Variants in CHODL observed in about 807,000 individuals in gnomAD.
CHODL encodes chondrolectin, also known as transmembrane protein MT75.
A neutral mutation model predicts 34.5 loss-of-function variants in CHODL; 29 were observed. The ratio of observed to expected loss-of-function variants is 0.84; its 90% CI spans 0.63 to 1.15. The LOEUF is 1.15. Ranked by LOEUF, CHODL falls within the 50% of genes most tolerant of loss-of-function variation. The pLI, the probability that CHODL is intolerant of heterozygous loss-of-function variation, is 0.00. For missense variants in CHODL, 332 were observed against 332.5 expected (o/e 1.00, Z 0.01); for synonymous variants, 125 against 116.1 (o/e 1.08, Z -0.49).
intron 1 of CHODL, among the ~76,000 whole-genome samples, chr21:17,951,042 A>G (rs143459992): frequency 6.6e-6 from 1 of 152,218 alleles, no homozygotes; most frequent in East Asian, 1.9e-4. Flanking sequence ...ATAACTATAT[A>G]CATATACATT....
intron 1 of CHODL, among the ~76,000 whole-genome samples, chr21:18,013,046 C>T (rs1247388856): frequency 6.6e-6 from 1 of 152,112 alleles, no homozygotes; most frequent in East Asian, 1.9e-4. Context: ...CATAAACATA[C>T]CAGTAACTAC....
intron 2 of CHODL, among the ~76,000 whole-genome samples, chr21:18,222,693 G>A (rs1485172888): frequency 2.6e-5 from 4 of 152,162 alleles, no homozygotes; most frequent in South Asian, 2.1e-4. Flanking sequence ...TTAAGCTTCT[G>A]AACTTCAGAG....
upstream of CHODL, among the ~76,000 whole-genome samples, chr21:18,240,059 A>T (rs12482150): frequency 2.0e-5 from 3 of 152,064 alleles, no homozygotes; most frequent in African/African-American, 4.8e-5. Context: ...AGCGATTTCC[A>T]ACTTCTTTGA....
At chr21:18,145,735 G>A (rs1000297034) in intron 2 of CHODL, among the ~76,000 whole-genome samples, 1 of 152,120 alleles carries the variant, frequency 6.6e-6, no homozygotes, top group Non-Finnish European at 1.5e-5. Context: ...AATATGGCTT[G>A]AGTTTGTTTA....
At chr21:18,142,102 A>T (rs2072810718) in intron 2 of CHODL, among the ~76,000 whole-genome samples, 1 of 152,162 alleles carries the variant, frequency 6.6e-6, no homozygotes, top group South Asian at 2.1e-4. Flanking sequence ...TTGAAAATCG[A>T]GATCATATTC....
chr21:18,164,816 T>C (rs1176909360), intron 2 of CHODL, among the ~76,000 whole-genome samples: 1 of 152,154 alleles, frequency 6.6e-6, no homozygotes, highest in African/African-American at 2.4e-5. Context: ...ACCCAGAACA[T>C]GTGTGTCCCA....
chr21:17,967,723 C>T (rs2063583598), intron 1 of CHODL, among the ~76,000 whole-genome samples: 1 of 150,426 alleles, frequency 6.6e-6, no homozygotes, highest in African/African-American at 2.4e-5. Context: ...GGAGAGTGTA[C>T]ATACTTTCCG....
chr21:18,116,595 A>T (rs2065415981), intron 2 of CHODL, among the ~76,000 whole-genome samples: 1 of 152,178 alleles, frequency 6.6e-6, no homozygotes, highest in Non-Finnish European at 1.5e-5. Context: ...AGACTAAAGG[A>T]TCCCTAACCA....
At position 17,958,145 on chromosome 21, in the gene CHODL, A is replaced by G. The variant is rs190455387; in HGVS notation, c.-145+40745A>G. Among the ~76,000 whole-genome samples, 47 of 152,322 alleles carry G rather than the reference A, an allele frequency of 3.1e-4. No homozygotes were observed. The East Asian group carries it at 8.7e-3, about 28-fold the overall frequency. On this transcript the variant is annotated intron_variant, in intron 1 of 6. Transcript: ENST00000400127. ...GTCATTGTTTCCTTGGTCAAGATGA[A>G]GAATAATTTGGTTTATTTTTTTACT...
chr21:18,021,740 C>T (rs2064129298), intron 1 of CHODL, among the ~76,000 whole-genome samples: 1 of 151,874 alleles, frequency 6.6e-6, no homozygotes, highest in Admixed American at 6.6e-5. Flanking sequence ...TTCCTACCAC[C>T]TCATAGTGGA....
chr21:17,985,371 G>A (rs1406026937), intron 1 of CHODL, among the ~76,000 whole-genome samples: 1 of 152,118 alleles, frequency 6.6e-6, no homozygotes, highest in Non-Finnish European at 1.5e-5. Context: ...CCTCTCGCAT[G>A]TATCACTCTG....
At chr21:17,971,974 G>A (rs527921392) in intron 1 of CHODL, among the ~76,000 whole-genome samples, 22 of 152,168 alleles carry the variant, frequency 1.4e-4, no homozygotes, top group Middle Eastern at 3.4e-3. Flanking sequence ...CGAACAAGTC[G>A]GCTTCATCCC....
At chr21:17,919,326 C>G (rs1224466048) in intron 1 of CHODL, among the ~76,000 whole-genome samples, 1 of 152,212 alleles carries the variant, frequency 6.6e-6, no homozygotes, top group Non-Finnish European at 1.5e-5. Context: ...GCCCGGGCAT[C>G]CAGGCATTTC....
chr21:18,231,922 A>T (rs1337197134), intron 2 of CHODL, among the ~76,000 whole-genome samples: 1 of 152,012 alleles, frequency 6.6e-6, no homozygotes, highest in Admixed American at 6.6e-5. Context: ...ATATAATAAA[A>T]TGATGGGGAG....
chr21:18,131,540 C>A (rs2072654813), intron 2 of CHODL, among the ~76,000 whole-genome samples: 1 of 152,082 alleles, frequency 6.6e-6, no homozygotes, highest in Admixed American at 6.6e-5. Flanking sequence ...TTACTCCTGG[C>A]CCCATTTTCC....
At chr21:18,239,942 G>A (rs1275977692), upstream of CHODL, among the ~76,000 whole-genome samples, 2 of 151,954 alleles carry the variant, frequency 1.3e-5, no homozygotes, top group East Asian at 3.8e-4. Context: ...GAAAGAAAGA[G>A]GGAGGGAGGA....
intron 2 of CHODL, among the ~76,000 whole-genome samples, chr21:18,176,941 A>T (rs2073322469): frequency 6.6e-6 from 1 of 152,110 alleles, no homozygotes; most frequent in South Asian, 2.1e-4. Flanking sequence ...CACAACATTC[A>T]TTGCAGAAAG....
At chr21:18,045,791 G>T (rs2064435511) in intron 2 of CHODL, among the ~76,000 whole-genome samples, 1 of 151,820 alleles carries the variant, frequency 6.6e-6, no homozygotes, top group African/African-American at 2.4e-5. Context: ...GAAGGAACTA[G>T]CTAGGCCCCC....
intron 2 of CHODL, among the ~76,000 whole-genome samples, chr21:18,230,713 AAT>A (rs2073970657): frequency 6.6e-6 from 1 of 152,124 alleles, no homozygotes; most frequent in African/African-American, 2.4e-5. Context: ...AAGGTGGGCT[AAT>A]ATGTCTCTTA....
Sources: gnomAD v4.1 joint callset for allele counts (sites outside exome capture counted in the v4.1 genomes callset) on GRCh38, gnomAD v4.1.1 for gene constraint, MANE v1.5 for transcripts, NCBI Gene and HGNC (gene_info 2026-07-23, HGNC 2026-07-21) for gene names.